The following COBL variants were observed in gnomAD, a reference collection of about 807,000 sequenced individuals.
COBL encodes cordon-bleu WH2 repeat protein, also known as protein cordon-bleu.
In COBL, 51 loss-of-function variants were observed where a neutral mutation model predicts 98.8. That is an observed-to-expected ratio of 0.52 (90% CI 0.41 to 0.65). The LOEUF (loss-of-function observed/expected upper bound fraction) is 0.65, where lower values mean the gene tolerates loss of function less well. Among genes scored for constraint, COBL ranks in the 30% least tolerant of loss-of-function variants. The pLI is 0.00. For missense variants in COBL, 1,617 were observed against 1,617.5 expected, an observed-to-expected ratio of 1.00 and a Z score of 0.01; for synonymous variants, 634 against 651.7, an observed-to-expected ratio of 0.97 and a Z score of 0.41.
At chr7:51,101,884 A>G (rs1438362044) in intron 6 of COBL, among the ~76,000 whole-genome samples, 1 of 152,144 alleles carries the variant, frequency 6.6e-6, no homozygotes, top group Non-Finnish European at 1.5e-5. Flanking sequence ...TGTTCCCCCA[A>G]AATTCAGGTG....
intron 1 of COBL, among the ~76,000 whole-genome samples, chr7:51,235,219 C>T (rs1795137889): frequency 6.6e-6 from 1 of 152,210 alleles, no homozygotes; most frequent in African/African-American, 2.4e-5. Flanking sequence ...CCTAACACCA[C>T]AATTCTCCAA....
chr7:51,185,779 T>C (rs1389389752), intron 4 of COBL, among the ~76,000 whole-genome samples: 2 of 152,270 alleles, frequency 1.3e-5, no homozygotes, highest in Non-Finnish European at 2.9e-5. Flanking sequence ...GACCTGCTAA[T>C]ATATGATTTC....
At chr7:51,059,302 G>C (rs1286607094) in intron 7 of COBL, among the ~76,000 whole-genome samples, 3 of 152,142 alleles carry the variant, frequency 2.0e-5, no homozygotes, top group African/African-American at 7.2e-5. Context: ...TATATGCTAG[G>C]AACTTAACTC....
intron 2 of COBL, 90 bp from the exon 3 acceptor site, chr7:51,193,679 G>T (rs907408716): frequency 1.7e-5 from 19 of 1,105,914 alleles, no homozygotes; most frequent in Non-Finnish European, 2.4e-5. Context: ...ATGAACAAGT[G>T]GATGAATGAG....
chr7:51,283,864 TAAAATGAAAAACAA>T lies in COBL; in HGVS notation c.41+32715_41+32728del, dbSNP rs562240489. 2.3e-4 allele frequency among the ~76,000 whole-genome samples: 35 copies of T among 151,904 alleles called. No individual in the cohort carries two copies. The South Asian group carries it at 5.6e-3, about 24-fold the overall frequency. On this transcript the variant is annotated intron_variant, in intron 1 of 12. Transcript: ENST00000265136. ...TCACTGGCCAATTTTACTAAGCATTTAAAATGAAAAACAAAAAATGAAAAAACACCAATAACATC... is the reference window on the plus strand; with the variant it reads ...TCACTGGCCAATTTTACTAAGCATTTAAAATGAAAAAACACCAATAACATC...
chr7:51,269,182 C>T (rs1164405479), intron 1 of COBL, among the ~76,000 whole-genome samples: 1 of 152,116 alleles, frequency 6.6e-6, no homozygotes, highest in South Asian at 2.1e-4. Context: ...CTCAGAACTG[C>T]TGGATCAAAA....
chr7:51,036,336 CAAAAAAAAAAAAAAAAAA>C (rs59610375), intron 8 of COBL, among the ~76,000 whole-genome samples: 28 of 94,212 alleles, frequency 3.0e-4, no homozygotes, highest in Non-Finnish European at 4.0e-4. Flanking sequence ...GACTCCGTCT[CAAAAAAAAAAAAAAAAAA>C]AAAAAAAAAA....
At chr7:51,040,474 A>G (rs1265562248) in intron 8 of COBL, among the ~76,000 whole-genome samples, 1 of 152,202 alleles carries the variant, frequency 6.6e-6, no homozygotes, top group Non-Finnish European at 1.5e-5. Context: ...CCTAAAAACT[A>G]AGGGCAGTAG....
rs575766517 is a variant in COBL at position 51,128,709 on chromosome 7, C to T, written c.957+7449G>A. On this transcript the variant is annotated intron_variant, in intron 6 of 12. Transcript: ENST00000265136. Reference sequence around the variant, plus strand: ...CCCCTCTGCTGCCAGGGTCCTGTGCCCCTCAAGCCCCTCAAGGAGGCTCCA... The same window carrying T: ...CCCCTCTGCTGCCAGGGTCCTGTGCTCCTCAAGCCCCTCAAGGAGGCTCCA... 2.0e-5 allele frequency among the ~76,000 whole-genome samples: 3 copies of T among 152,168 alleles called. No homozygotes were observed. In the South Asian group the frequency reaches 6.3e-4, roughly 32 times the overall value.
At chr7:51,113,801 T>C (rs1261842863) in intron 6 of COBL, among the ~76,000 whole-genome samples, 1 of 152,212 alleles carries the variant, frequency 6.6e-6, no homozygotes, top group Non-Finnish European at 1.5e-5. Flanking sequence ...TTGAATTTGA[T>C]GGAATTAAGT....
chr7:51,195,427 A>G (rs368802645), intron 2 of COBL, among the ~76,000 whole-genome samples: 1 of 152,272 alleles, frequency 6.6e-6, no homozygotes, highest in South Asian at 2.1e-4. Context: ...GCCCTATAGT[A>G]TAGTTTTAAG....
chr7:51,276,114 T>A (rs768491903), intron 1 of COBL, among the ~76,000 whole-genome samples: 3 of 152,196 alleles, frequency 2.0e-5, no homozygotes, highest in Admixed American at 6.5e-5. Flanking sequence ...CCATGCAACT[T>A]CTTCTGTTTA....
chr7:51,168,608 C>A (rs998781578), intron 5 of COBL, among the ~76,000 whole-genome samples: 1 of 152,094 alleles, frequency 6.6e-6, no homozygotes, highest in Admixed American at 6.5e-5. Context: ...ATCCAAAAGA[C>A]AGGCAAAAAC....
chr7:51,294,309 TAAATAAATAAATAAATAAATAA>T (rs1409760492), intron 1 of COBL, among the ~76,000 whole-genome samples: 25 of 142,870 alleles, frequency 1.7e-4, no homozygotes, highest in East Asian at 9.2e-4. Flanking sequence ...AATAAATAAA[TAAATAAATAAATAAATAAATAA>T]AAATAAATAA....
chr7:51,238,027 G>A (rs1325763401), intron 1 of COBL, among the ~76,000 whole-genome samples: 1 of 152,198 alleles, frequency 6.6e-6, no homozygotes, highest in Non-Finnish European at 1.5e-5. Context: ...GGGGAACGAA[G>A]AAGGAAAAGG....
intron 4 of COBL, chr7:51,187,987 G>A (rs907830603): frequency 2.9e-5 from 36 of 1,232,154 alleles, no homozygotes; most frequent in Admixed American, 4.2e-5. Context: ...GAGAGAGTGA[G>A]GTCCAGCTTT....
intron 5 of COBL, among the ~76,000 whole-genome samples, chr7:51,139,780 T>C (rs557574332): frequency 2.0e-5 from 3 of 152,224 alleles, no homozygotes; most frequent in Admixed American, 6.5e-5. Flanking sequence ...TTGTGAAGTA[T>C]TGAGTCCTTT....
chr7:51,122,581 T>C (rs139605709), intron 6 of COBL, among the ~76,000 whole-genome samples: 3 of 152,386 alleles, frequency 2.0e-5, no homozygotes, highest in African/African-American at 7.2e-5. Context: ...TATACTTGGC[T>C]GTTTATTACA....
At chr7:51,071,372 T>C (rs941449003) in intron 7 of COBL, 17 of 152,160 alleles carry the variant, frequency 1.1e-4, no homozygotes, top group African/African-American at 4.1e-4. Flanking sequence ...TCTACAAAAC[T>C]TGTTCATCAA....
Sources: allele counts gnomAD v4.1 joint callset (sites outside exome capture counted in the v4.1 genomes callset), GRCh38; gene constraint gnomAD v4.1.1; transcripts MANE v1.5; gene names NCBI Gene and HGNC (gene_info 2026-07-23, HGNC 2026-07-21).